Variants in TCF4 observed in about 807,000 individuals in gnomAD.
The protein encoded by TCF4 is SL3-3 enhancer factor 2.
TCF4 carries 3 observed loss-of-function variants against 82.1 expected under a neutral mutation model. That is an observed-to-expected ratio of 0.04 (90% confidence interval 0.02 to 0.09). TCF4 has a LOEUF of 0.09. Ranked by LOEUF, TCF4 falls within the 10% of genes least tolerant of loss-of-function variation. The probability of loss-of-function intolerance (pLI) is 1.00; values close to 1 mark genes in which losing one functional copy is unlikely to be tolerated. For synonymous variants in TCF4, 276 were observed against 309.6 expected, an observed-to-expected ratio of 0.89 and a Z score of 1.14; for missense variants, 518 against 852.7, an observed-to-expected ratio of 0.61 and a Z score of 4.89.
intron 8 of TCF4, among the ~76,000 whole-genome samples, chr18:55,286,602 A>G (rs1364298161): frequency 1.3e-5 from 2 of 152,164 alleles, no homozygotes; most frequent in African/African-American, 4.8e-5. Context: ...TGGAAGAAGT[A>G]GAGTTGTGTA....
At chr18:55,399,215 C>T (rs1323152371) in intron 6 of TCF4, among the ~76,000 whole-genome samples, 1 of 152,060 alleles carries the variant, frequency 6.6e-6, no homozygotes, top group African/African-American at 2.4e-5. Context: ...ACAAAGAAAT[C>T]AATTCTGAAA....
Position 55,422,252 on chromosome 18 carries a change from G to A in TCF4, c.305-18734C>T. 3.0e-6 allele frequency: 3 copies of A among 985,060 alleles called. No homozygotes were observed. In the South Asian group the frequency reaches 1.4e-4, roughly 46 times the overall value. 61.0% of individuals were successfully genotyped at this position (985,060 alleles called of 1,614,324 possible). ...TCTAAGCCCAAATACGTGATGAAGA[G>A]TCGCCAAAAAGCATGTGGATGAATA... is the stretch of plus-strand genomic sequence containing the variant. On this transcript the variant is annotated intron_variant, in intron 5 of 19. Transcript: ENST00000354452.
chr18:55,412,493 ATCTCTCT>A (rs2094389359), intron 5 of TCF4, among the ~76,000 whole-genome samples: 1 of 152,108 alleles, frequency 6.6e-6, no homozygotes, highest in Non-Finnish European at 1.5e-5. Flanking sequence ...CTCTGAAAGC[ATCTCTCT>A]TCTATCTCAA....
At chr18:55,359,591 C>A (rs776964960) in intron 6 of TCF4, among the ~76,000 whole-genome samples, 5 of 152,132 alleles carry the variant, frequency 3.3e-5, no homozygotes, top group Non-Finnish European at 7.4e-5. Flanking sequence ...TTCAACCATC[C>A]CTAGTATAAA....
intron 2 of TCF4, among the ~76,000 whole-genome samples, chr18:55,609,231 T>A (rs2097704920): frequency 6.6e-6 from 1 of 152,142 alleles, no homozygotes; most frequent in Non-Finnish European, 1.5e-5. Flanking sequence ...GGTAAGATGG[T>A]CGGAGAAGGC....
chr18:55,565,883 C>T (rs2097400821), intron 3 of TCF4, among the ~76,000 whole-genome samples: 1 of 151,870 alleles, frequency 6.6e-6, no homozygotes, highest in African/African-American at 2.4e-5. Context: ...CATGTTCTCA[C>T]TCATAAGTGG....
In TCF4 at chr18:55,251,422, A is replaced by G. The variant is rs138244141; in HGVS notation, c.1350+3075T>C. On this transcript the variant is annotated intron_variant, in intron 15 of 19. Coordinates refer to ENST00000354452, the MANE Select transcript of TCF4 (RefSeq NM_001083962.2). Reference sequence around the variant, plus strand: ...ATTTTATGAATCAAAAGCTAAGGACAATATGTTAGCAATTAAATGAGATAA... The same window carrying G: ...ATTTTATGAATCAAAAGCTAAGGACGATATGTTAGCAATTAAATGAGATAA... 8.8e-4 allele frequency among the ~76,000 whole-genome samples: 134 copies of G among 152,320 alleles called. 2 individuals carry two copies. Among genetic ancestry groups the G allele is most frequent in the African/African-American group, 3.0e-3 (125 of 41,564 alleles).
At chr18:55,484,570 T>C (rs1447929399) in intron 3 of TCF4, among the ~76,000 whole-genome samples, 1 of 152,198 alleles carries the variant, frequency 6.6e-6, no homozygotes. Context: ...GTCTTTTTCT[T>C]AATTGTGCAT....
chr18:55,347,180 A>C (rs1156836146), intron 8 of TCF4, among the ~76,000 whole-genome samples: 1 of 152,172 alleles, frequency 6.6e-6, no homozygotes, highest in Non-Finnish European at 1.5e-5. Context: ...ACAACACTTT[A>C]TTACTAAGGT....
intron 5 of TCF4, among the ~76,000 whole-genome samples, chr18:55,420,263 A>G (rs760532637): frequency 6.6e-6 from 1 of 152,204 alleles, no homozygotes; most frequent in Admixed American, 6.5e-5. Context: ...CATCTTTATC[A>G]TCAGCTCAAG....
chr18:55,279,478 C>T lies in TCF4; in HGVS notation c.655+73G>A, dbSNP rs1306647434. The stretch of plus-strand genomic sequence containing the variant: ...TTGCCTACTATTCCATTTCTTCTGC[C>T]CCATCTGTGACATTAAGTGACCCAG... On this transcript the variant is annotated intron_variant, in intron 9 of 19. Transcript: ENST00000354452. The T allele has an allele frequency of 8.1e-6, 13 of 1,606,478 alleles. No homozygotes were observed. In the Admixed American group the frequency reaches 2.2e-4, roughly 27 times the overall value.
chr18:55,298,514 GAAA>G (rs978415161), intron 8 of TCF4, among the ~76,000 whole-genome samples: 2 of 151,160 alleles, frequency 1.3e-5, no homozygotes, highest in East Asian at 3.9e-4. Flanking sequence ...AATGTTTTTA[GAAA>G]AAAACCCCAG....
At chr18:55,556,402 G>T (rs1295768374) in intron 3 of TCF4, among the ~76,000 whole-genome samples, 1 of 152,158 alleles carries the variant, frequency 6.6e-6, no homozygotes, top group Non-Finnish European at 1.5e-5. Flanking sequence ...ATTCATAAAT[G>T]TAAATAAATA....
intron 3 of TCF4, among the ~76,000 whole-genome samples, chr18:55,553,583 T>C (rs1489300230): frequency 6.6e-6 from 1 of 152,218 alleles, no homozygotes; most frequent in African/African-American, 2.4e-5. Context: ...CTCCCTGTGT[T>C]TATGTATTTA....
intron 6 of TCF4, among the ~76,000 whole-genome samples, chr18:55,398,755 T>C (rs994030838): frequency 7.9e-5 from 12 of 152,348 alleles, no homozygotes; most frequent in South Asian, 6.2e-4. Flanking sequence ...CACTAGGTCA[T>C]TGCAATTTTT....
At position 55,398,787 on chromosome 18, in the gene TCF4, A is replaced by T. The variant is rs564544655; in HGVS notation, c.369+4667T>A. Among the ~76,000 whole-genome samples, 19 of 152,358 alleles carry T rather than the reference A, an allele frequency of 1.2e-4. No homozygotes were observed. In the East Asian group the frequency reaches 3.5e-3, roughly 28 times the overall value. The stretch of plus-strand genomic sequence containing the variant: ...TTTTGCCCTGCTAGGCACATGGTAC[A>T]CATTCAGGATAAAGCAGACATGGTC... On this transcript the variant is annotated intron_variant, in intron 6 of 19. Transcript: ENST00000354452.
chr18:55,568,250 C>A (rs1212489621), intron 3 of TCF4, among the ~76,000 whole-genome samples: 1 of 145,674 alleles, frequency 6.9e-6, no homozygotes, highest in African/African-American at 2.5e-5. Context: ...GTAGAAAACA[C>A]ACAAGAAAAA....
chr18:55,369,097 G>GT (rs1411636583), intron 6 of TCF4, among the ~76,000 whole-genome samples: 1 of 152,208 alleles, frequency 6.6e-6, no homozygotes, highest in Admixed American at 6.5e-5. Flanking sequence ...GGTGACGTCT[G>GT]TTGAAACTGG....
intron 3 of TCF4, among the ~76,000 whole-genome samples, chr18:55,528,594 G>T (rs2097020245): frequency 6.6e-6 from 1 of 152,076 alleles, no homozygotes. Flanking sequence ...CCACAGACTT[G>T]GATCTGTGTA....
Sources: allele counts gnomAD v4.1 joint callset (sites outside exome capture counted in the v4.1 genomes callset), GRCh38; gene constraint gnomAD v4.1.1; transcripts MANE v1.5; gene names NCBI Gene and HGNC (gene_info 2026-07-23, HGNC 2026-07-21).